Variants in FBXO10 observed in about 807,000 individuals in gnomAD.
The protein encoded by FBXO10 is F-box protein 10, also known as F-box only protein 10.
In FBXO10, 39 loss-of-function variants were observed where a neutral mutation model predicts 80.7. The ratio of observed to expected loss-of-function variants is 0.48; its 90% CI spans 0.37 to 0.63. The LOEUF (loss-of-function observed/expected upper bound fraction) is 0.63. Among genes scored for constraint, FBXO10 ranks in the 30% least tolerant of loss-of-function variants. FBXO10 has a pLI of 0.00. For missense variants in FBXO10, 1,025 were observed against 1,269.0 expected (o/e 0.81, Z 2.92); for synonymous variants, 449 against 489.6 (o/e 0.92, Z 1.09).
chr9:37,514,536 G>A (rs762733272), intron 10 of FBXO10, among the ~76,000 whole-genome samples: 6 of 152,064 alleles, frequency 3.9e-5, no homozygotes, highest in Non-Finnish European at 8.8e-5. Flanking sequence ...ACATATATAA[G>A]TTATAAATAG....
intron 3 of FBXO10, among the ~76,000 whole-genome samples, chr9:37,533,436 C>T (rs2119101299): frequency 2.0e-5 from 3 of 152,034 alleles, no homozygotes; most frequent in Admixed American, 2.0e-4. Flanking sequence ...GTCCCAGCTA[C>T]TCAGGAGGCT....
intron 4 of FBXO10, among the ~76,000 whole-genome samples, chr9:37,531,101 GATA>G (rs1564339103): frequency 1.3e-5 from 2 of 152,064 alleles, no homozygotes; most frequent in Admixed American, 6.5e-5. Context: ...AAATAGGGAT[GATA>G]ATAATTCTTC....
chr9:37,535,555 A>T (rs1394054493), intron 3 of FBXO10, among the ~76,000 whole-genome samples: 1 of 151,688 alleles, frequency 6.6e-6, no homozygotes, highest in East Asian at 1.9e-4. Context: ...ACGGGGTTTC[A>T]CCGTGTTGCC....
At chr9:37,572,997 T>C (rs1475642598) in intron 1 of FBXO10, among the ~76,000 whole-genome samples, 1 of 152,156 alleles carries the variant, frequency 6.6e-6, no homozygotes, top group African/African-American at 2.4e-5. Flanking sequence ...CCTAAATCTG[T>C]GTGGCTCAGG....
At chr9:37,570,622 A>G (rs913299136) in intron 1 of FBXO10, among the ~76,000 whole-genome samples, 2 of 152,186 alleles carry the variant, frequency 1.3e-5, no homozygotes, top group African/African-American at 2.4e-5. Flanking sequence ...ACCAAAGAAG[A>G]AGGAAAAAAA....
Position 37,512,470 on chromosome 9 carries a change from A to G in FBXO10, c.*77T>C, listed in dbSNP as rs2119037359. Reference sequence around the variant, plus strand: ...GTTCGAGGGGGAGGGGGAGGGGCGGAGTCTTTTCAGGCAGTATTTCCACCT... The same window carrying G: ...GTTCGAGGGGGAGGGGGAGGGGCGGGGTCTTTTCAGGCAGTATTTCCACCT... On this transcript the variant is annotated 3_prime_UTR_variant, in exon 11 of 11. Transcript: ENST00000432825. 1 of 1,501,978 alleles carries G rather than the reference A, an allele frequency of 6.7e-7. No individual in the cohort carries two copies. Among genetic ancestry groups the G allele is most frequent in the East Asian group, 2.3e-5 (1 of 43,616 alleles). 93.0% of individuals were successfully genotyped at this position (1,501,978 alleles called of 1,614,324 possible). A position where few individuals can be genotyped will look rare whatever the true frequency, so the allele number is the denominator to read the frequency against.
chr9:37,515,831 G>A, intron 10 of FBXO10, 73 bp downstream of exon 10: 7 of 1,494,212 alleles, frequency 4.7e-6, no homozygotes, highest in Non-Finnish European at 6.4e-6. Context: ...ACAATCCCTG[G>A]GTGTGGGCCT....
At chr9:37,553,145 A>G (rs1211203978) in intron 1 of FBXO10, among the ~76,000 whole-genome samples, 1 of 151,800 alleles carries the variant, frequency 6.6e-6, no homozygotes, top group Admixed American at 6.6e-5. Flanking sequence ...GGCTTCAAGC[A>G]ATTCTCCTGC....
At chr9:37,533,718 AC>A (rs1821685562) in intron 3 of FBXO10, among the ~76,000 whole-genome samples, 1 of 151,666 alleles carries the variant, frequency 6.6e-6, no homozygotes, top group Non-Finnish European at 1.5e-5. Context: ...TAAAAATACA[AC>A]AAATTAGCTG....
rs1248332621 is a variant in FBXO10 at position 37,532,013 on chromosome 9, T to C, written c.1465A>G (p.Ile489Val). The C allele has an allele frequency of 2.5e-6, 4 of 1,613,862 alleles. No individual in the cohort carries two copies. Among genetic ancestry groups the C allele is most frequent in the East Asian group, 4.5e-5 (2 of 44,902 alleles). Residue 489 changes from isoleucine to valine, a missense_variant, in exon 4 of 11, where the codon ATC becomes GTC. By Grantham distance (29) the Ile-to-Val change is conservative (BLOSUM62 3). This residue lies in a region of FBXO10 where 478 missense variants were observed against 667.8 expected (regional missense o/e 0.72). Coordinates refer to ENST00000432825, the MANE Select transcript of FBXO10 (RefSeq NM_012166.3). Reference sequence around the variant, plus strand: ...CCACCGCCCTCCAAGCGAAGAAAGATGCCTGACGCTCGGCAGCGGTAAATG... The same window carrying C: ...CCACCGCCCTCCAAGCGAAGAAAGACGCCTGACGCTCGGCAGCGGTAAATG... ...NDIYRCRASG[I>V]FLRLEGGGLI...
At chr9:37,529,499 C>T (rs1821562718) in intron 4 of FBXO10, among the ~76,000 whole-genome samples, 5 of 152,212 alleles carry the variant, frequency 3.3e-5, no homozygotes, top group Admixed American at 2.0e-4. Context: ...CGCTGCCCAG[C>T]CTCTTAGGAG....
At chr9:37,557,599 T>G (rs1822369987) in intron 1 of FBXO10, among the ~76,000 whole-genome samples, 1 of 152,262 alleles carries the variant, frequency 6.6e-6, no homozygotes, top group Non-Finnish European at 1.5e-5. Context: ...TACGTGGTAC[T>G]CTGAATTCAG....
chr9:37,566,458 G>T (rs769344185), intron 1 of FBXO10, among the ~76,000 whole-genome samples: 3 of 37,950 alleles, frequency 7.9e-5, no homozygotes, highest in East Asian at 1.1e-3. Context: ...ACTCTGTCTC[G>T]GAAAAAAAAA....
intron 3 of FBXO10, among the ~76,000 whole-genome samples, chr9:37,535,605 G>A (rs986163973): frequency 5.9e-5 from 9 of 151,992 alleles, no homozygotes; most frequent in Non-Finnish European, 1.0e-4. Context: ...CAATCTGCCC[G>A]CCTCAGCCTC....
intron 1 of FBXO10, among the ~76,000 whole-genome samples, chr9:37,543,400 TG>T (rs1821974431): frequency 6.6e-6 from 1 of 152,184 alleles, no homozygotes; most frequent in African/African-American, 2.4e-5. Context: ...AGAATCAGGA[TG>T]GCCTTATTCC....
intron 8 of FBXO10, among the ~76,000 whole-genome samples, chr9:37,520,313 C>CT (rs11309075): frequency 0.11 from 12,488 of 110,926 alleles, 765 homozygotes; most frequent in African/African-American, 0.16. Flanking sequence ...CTTCTACCAT[C>CT]TTTTTTTTTT....
Position 37,521,665 on chromosome 9 carries a change from T to C in FBXO10, c.2104A>G (p.Ile702Val), listed in dbSNP as rs1376061306. The C allele has an allele frequency of 1.2e-6, 2 of 1,613,980 alleles. No homozygotes were observed. The highest frequency in any genetic ancestry group is 1.7e-6 in the Non-Finnish European group (2 of 1,179,890). The change falls in exon 8 of 11, where the codon ATC (isoleucine) becomes GTC (valine). Residue 702 changes from isoleucine (I) to valine (V), a missense_variant. By Grantham distance (29) the Ile-to-Val change is conservative. Around this residue, in one of 3 missense-constraint regions of FBXO10, gnomAD observed 478 missense variants for 667.8 expected, o/e 0.72. Coordinates refer to ENST00000432825, the MANE Select transcript of FBXO10 (RefSeq NM_012166.3). Reference sequence around the variant, plus strand: ...TTCTCCAGCTCTGTCTCCCAGAGGATGGCGTCCCCATCCTCGCTGAAGTTC... The same window carrying C: ...TTCTCCAGCTCTGTCTCCCAGAGGACGGCGTCCCCATCCTCGCTGAAGTTC... ...QENFSEDGDAILWETELEKED... is the reference protein window; with the variant it reads ...QENFSEDGDAVLWETELEKED...
At position 37,561,193 on chromosome 9, in the gene FBXO10, T is replaced by C. The variant is rs1185038262; in HGVS notation, c.-7+15018A>G. On this transcript the variant is annotated intron_variant, in intron 1 of 10. Coordinates refer to ENST00000432825, the MANE Select transcript of FBXO10 (RefSeq NM_012166.3). ...ATCAACTTTTTTTTTTTTTTTTTTT[T>C]TAAAGAAGTGAGGTCTCTCTGTGTT... is the stretch of plus-strand genomic sequence containing the variant. Among the ~76,000 whole-genome samples the C allele has an allele frequency of 3.4e-5, 5 of 147,676 alleles. No homozygotes were observed. In the East Asian group the frequency reaches 9.9e-4, roughly 29 times the overall value.
At chr9:37,559,304 G>C (rs1822418323) in intron 1 of FBXO10, among the ~76,000 whole-genome samples, 1 of 152,114 alleles carries the variant, frequency 6.6e-6, no homozygotes, top group Non-Finnish European at 1.5e-5. Flanking sequence ...TGTGATAAAG[G>C]GCCCCACCCA....
Sources: allele counts gnomAD v4.1 joint callset (sites outside exome capture counted in the v4.1 genomes callset), GRCh38; gene constraint gnomAD v4.1.1; regional missense constraint gnomAD v4.1.1; transcripts MANE v1.5; gene names NCBI Gene and HGNC (gene_info 2026-07-23, HGNC 2026-07-21).